Variants in PLA2G7 observed in about 807,000 individuals in gnomAD.
The protein encoded by PLA2G7 is platelet-activating factor acetylhydrolase.
In PLA2G7, 63 loss-of-function variants were observed where a neutral mutation model predicts 49.6. The observed-to-expected ratio is 1.27, with a 90% confidence interval of 1.04 to 1.57. The LOEUF (loss-of-function observed/expected upper bound fraction) is 1.57. Ranked by LOEUF, PLA2G7 falls within the 40% of genes most tolerant of loss-of-function variation. PLA2G7 has a pLI of 0.00. For synonymous variants in PLA2G7, 193 were observed against 169.9 expected (o/e 1.14, Z -1.06); for missense variants, 596 against 521.2 (o/e 1.14, Z -1.40).
intron 8 of PLA2G7, 31 bp downstream of exon 8, chr6:46,710,514 G>C (rs781630323): frequency 7.6e-7 from 1 of 1,308,406 alleles, no homozygotes; most frequent in South Asian, 1.2e-5. Flanking sequence ...AGAACTGTAG[G>C]ACAAGAGAAA....
intron 2 of PLA2G7, among the ~76,000 whole-genome samples, chr6:46,718,360 T>A (rs886565421): frequency 6.6e-6 from 1 of 152,364 alleles, no homozygotes; most frequent in South Asian, 2.1e-4. Flanking sequence ...CCTAAGCCAA[T>A]ACTCTGCTAC....
chr6:46,725,693 T>C (rs549187220), intron 1 of PLA2G7, among the ~76,000 whole-genome samples: 1 of 152,324 alleles, frequency 6.6e-6, no homozygotes, highest in East Asian at 1.9e-4. Context: ...TATTATAAAG[T>C]TAATACATGA....
chr6:46,730,091 G>T (rs978117473), intron 1 of PLA2G7, among the ~76,000 whole-genome samples: 5 of 152,148 alleles, frequency 3.3e-5, no homozygotes, highest in African/African-American at 1.2e-4. Context: ...GAATTGGTGG[G>T]GATTTAAGGA....
At chr6:46,705,543 T>C (rs1764788858) in intron 10 of PLA2G7, among the ~76,000 whole-genome samples, 1 of 152,200 alleles carries the variant, frequency 6.6e-6, no homozygotes, top group African/African-American at 2.4e-5. Flanking sequence ...TCTTGCTTGG[T>C]ATCTTGATTT....
Position 46,716,516 on chromosome 6 carries a change from G to A in PLA2G7, c.244C>T (p.Arg82Cys), listed in dbSNP as rs143106370. Reference sequence around the variant, plus strand: ...TTATCTTGGGATGGATAATATAAACGCAAGAAGGTGCCCTGTTAAGAAAGA... The same window carrying A: ...TTATCTTGGGATGGATAATATAAACACAAGAAGGTGCCCTGTTAAGAAAGA... ...FDHTNKGTFLRLYYPSQDNDR... is the reference protein window; with the variant it reads ...FDHTNKGTFLCLYYPSQDNDR... The change falls in exon 4 of 12, where the codon CGT becomes TGT. Residue 82 changes from arginine to cysteine, a missense_variant. Transcript: ENST00000274793. 1.5e-5 allele frequency: 25 copies of A among 1,613,552 alleles called. No individual in the cohort carries two copies. The highest frequency in any genetic ancestry group is 6.7e-5 in the East Asian group (3 of 44,848).
At chr6:46,714,687 T>C (rs574539589) in intron 4 of PLA2G7, 134 bp from the exon 5 acceptor site, 120 of 682,864 alleles carry the variant, frequency 1.8e-4, no homozygotes, top group Non-Finnish European at 3.0e-4. Context: ...AGTAGATTCA[T>C]TAAAAAGACT....
intron 11 of PLA2G7, 44 bp from the exon 12 acceptor site, chr6:46,704,740 GC>G (rs1281477632): frequency 4.7e-6 from 6 of 1,276,704 alleles, no homozygotes; most frequent in Non-Finnish European, 6.9e-6. Context: ...ACTTTTGAGA[GC>G]ATTAAACAGT....
chr6:46,716,993 C>CATT lies in PLA2G7; in HGVS notation c.210_212dup (p.Leu70_Met71insIle). 6.2e-7 allele frequency: 1 copy of CATT among 1,613,700 alleles called. No homozygotes were observed. The highest frequency in any genetic ancestry group is 8.5e-7 in the Non-Finnish European group (1 of 1,179,634). ...GCATTACCTTATTAGTGTGATCAAA[C>CATT]ATTAAGTCTGTACAACCAACGGAAT... On this transcript the variant is annotated inframe_insertion, in exon 3 of 12. Transcript: ENST00000274793.
intron 3 of PLA2G7, 47 bp downstream of exon 3, chr6:46,716,928 A>C (rs1446156959): frequency 6.3e-7 from 1 of 1,589,374 alleles, no homozygotes; most frequent in Non-Finnish European, 8.6e-7. Flanking sequence ...CCATAGCGAC[A>C]GACAATATTA....
At chr6:46,735,557 C>T (rs570402712), upstream of PLA2G7, 16 of 152,694 alleles carry the variant, frequency 1.0e-4, no homozygotes, top group African/African-American at 3.8e-4. Flanking sequence ...CACCTGGACC[C>T]GCGGTTAACT....
At chr6:46,707,608 G>A (rs939440488) in intron 10 of PLA2G7, among the ~76,000 whole-genome samples, 3 of 152,180 alleles carry the variant, frequency 2.0e-5, no homozygotes, top group Middle Eastern at 3.4e-3. Flanking sequence ...CTCATGCCCC[G>A]GTTGCCTTCC....
At chr6:46,721,718 A>T (rs556413569) in intron 2 of PLA2G7, among the ~76,000 whole-genome samples, 9 of 151,792 alleles carry the variant, frequency 5.9e-5, no homozygotes, top group Admixed American at 5.3e-4. Flanking sequence ...GATGCGTTAT[A>T]GGATGAATGG....
chr6:46,710,433 G>C, intron 8 of PLA2G7, 112 bp downstream of exon 8: 1 of 724,940 alleles, frequency 1.4e-6, no homozygotes, highest in Non-Finnish European at 2.5e-6. Flanking sequence ...ATTGGGGAGG[G>C]GGCTGGTTGC....
At chr6:46,719,048 G>GT (rs1765308725) in intron 2 of PLA2G7, among the ~76,000 whole-genome samples, 1 of 152,042 alleles carries the variant, frequency 6.6e-6, no homozygotes, top group African/African-American at 2.4e-5. Context: ...AGCTTCATCC[G>GT]TTCTCCTTTC....
At chr6:46,711,347 G>A in intron 7 of PLA2G7, 149 bp downstream of exon 7, 2 of 917,546 alleles carry the variant, frequency 2.2e-6, no homozygotes, top group Non-Finnish European at 3.6e-6. Context: ...GAATTTTACT[G>A]CTCCAGGAAT....
In PLA2G7 at chr6:46,723,871, T is replaced by C. The variant is rs574951886; in HGVS notation, c.-34-946A>G. ...GCCATTCACCCAAAATAGCTTATAATGATCTACATAACCTTTACTCAACAC... is the reference window on the plus strand; with the variant it reads ...GCCATTCACCCAAAATAGCTTATAACGATCTACATAACCTTTACTCAACAC... On this transcript the variant is annotated intron_variant, in intron 1 of 11. Transcript: ENST00000274793. Among the ~76,000 whole-genome samples the C allele has an allele frequency of 1.9e-4, 29 of 152,310 alleles. No individual in the cohort carries two copies. The South Asian group carries it at 2.3e-3, about 12-fold the overall frequency.
At chr6:46,729,294 G>C (rs1462771923) in intron 1 of PLA2G7, among the ~76,000 whole-genome samples, 2 of 151,914 alleles carry the variant, frequency 1.3e-5, no homozygotes, top group African/African-American at 2.4e-5. Context: ...ATGATAATGG[G>C]GACCATAGAG....
intron 10 of PLA2G7, among the ~76,000 whole-genome samples, chr6:46,705,907 T>G (rs767369224): frequency 7.4e-4 from 112 of 152,326 alleles, no homozygotes; most frequent in Middle Eastern, 3.4e-3. Context: ...GATGGCCTTC[T>G]TGCACTTTTT....
At position 46,711,488 on chromosome 6, in the gene PLA2G7, C is replaced by A. The variant is rs200719396; in HGVS notation, c.663+8G>T. The A allele has an allele frequency of 3.1e-6, 5 of 1,613,322 alleles. No individual in the cohort carries two copies. Among genetic ancestry groups the A allele is most frequent in the Non-Finnish European group, 4.2e-6 (5 of 1,179,470 alleles). On this transcript the variant is annotated splice_region_variant and intron_variant, in intron 7 of 11. Coordinates refer to ENST00000274793, the MANE Select transcript of PLA2G7 (RefSeq NM_005084.4). ...TCACCAACCACCTCTCCTTTCACTG[C>A]AATGTACCTGCTCATTTCGTATATG...
Sources: gnomAD v4.1 joint callset for allele counts (sites outside exome capture counted in the v4.1 genomes callset) on GRCh38, gnomAD v4.1.1 for gene constraint, MANE v1.5 for transcripts, NCBI Gene and HGNC (gene_info 2026-07-23, HGNC 2026-07-21) for gene names.